The following EMP2 variants were observed in gnomAD, a reference collection of about 807,000 sequenced individuals.
EMP2 encodes the protein epithelial membrane protein 2.
Under a neutral mutation model 13.7 loss-of-function variants are expected in EMP2, and 19 were observed. The observed-to-expected ratio is 1.38, with a 90% CI of 0.97 to 2.03. The LOEUF is 2.03. Ranked by LOEUF, EMP2 falls within the 30% of genes most tolerant of loss-of-function variation. EMP2 has a pLI of 0.00. For missense variants in EMP2, 253 were observed against 220.7 expected, an observed-to-expected ratio of 1.15 and a Z score of -0.93; for synonymous variants, 97 against 84.7, an observed-to-expected ratio of 1.15 and a Z score of -0.80.
chr16:10,559,313 A>G (rs530177502), intron 1 of EMP2, among the ~76,000 whole-genome samples: 2 of 152,344 alleles, frequency 1.3e-5, no homozygotes, highest in East Asian at 1.9e-4. Context: ...GCCAGCCAGG[A>G]GTATTCAGGC....
intron 1 of EMP2, among the ~76,000 whole-genome samples, chr16:10,558,118 C>G (rs2050845576): frequency 6.6e-6 from 1 of 151,602 alleles, no homozygotes; most frequent in East Asian, 1.9e-4. Context: ...CAACCTCGAA[C>G]TTTTGGGCTC....
intron 1 of EMP2, among the ~76,000 whole-genome samples, chr16:10,579,723 C>CAA (rs2051011379): frequency 6.6e-6 from 1 of 151,890 alleles, no homozygotes; most frequent in African/African-American, 2.4e-5. Flanking sequence ...CACACACACA[C>CAA]ACACACACAC....
rs190911285 is a variant in EMP2, at chr16:10,540,951, G to A, written c.169+2619C>T. Among the ~76,000 whole-genome samples the A allele has an allele frequency of 2.0e-3, 303 of 152,190 alleles. 1 individual carries two copies. The highest frequency in any genetic ancestry group is 7.0e-3 in the African/African-American group (291 of 41,530). ...GAAAATACAAAAATTAGCCAGGTGT[G>A]GTGGCACACACCCATAATCCCAGCT... is the stretch of plus-strand genomic sequence containing the variant. On this transcript the variant is annotated intron_variant, in intron 3 of 4. Coordinates refer to ENST00000359543, the MANE Select transcript of EMP2 (RefSeq NM_001424.6).
chr16:10,566,289 G>GA (rs2050906460), intron 1 of EMP2, among the ~76,000 whole-genome samples: 1 of 152,130 alleles, frequency 6.6e-6, no homozygotes, highest in Non-Finnish European at 1.5e-5. Context: ...CCTGGGAATG[G>GA]AAAATCAGCA....
At chr16:10,569,077 C>T (rs927544990) in intron 1 of EMP2, among the ~76,000 whole-genome samples, 20 of 152,072 alleles carry the variant, frequency 1.3e-4, no homozygotes, top group African/African-American at 4.1e-4. Flanking sequence ...CGTGAGCCAC[C>T]GCGCCCAGCT....
chr16:10,564,261 TG>T (rs2050892128), intron 1 of EMP2, among the ~76,000 whole-genome samples: 1 of 152,030 alleles, frequency 6.6e-6, no homozygotes. Context: ...TAGGTCGAGG[TG>T]GGTGGATCAC....
At chr16:10,547,434 G>T in intron 2 of EMP2, 106 bp downstream of exon 2, 1 of 1,201,576 alleles carries the variant, frequency 8.3e-7, no homozygotes, top group Non-Finnish European at 1.2e-6. Context: ...AAATTACCTA[G>T]TCTCTGGTAT....
chr16:10,543,935 C>G (rs940155162), intron 2 of EMP2, among the ~76,000 whole-genome samples: 2 of 152,158 alleles, frequency 1.3e-5, no homozygotes, highest in Non-Finnish European at 2.9e-5. Context: ...TCTTGGCTCA[C>G]TGCAGCCTCC....
Position 10,531,242 on chromosome 16 carries a change from G to C in EMP2, c.*1663C>G, listed in dbSNP as rs2050598858. ...CTGCCTCAGCCTCCCAAAGTGCTGG[G>C]ATTACAGGTGTGAGCCACCGCACCC... On this transcript the variant is annotated 3_prime_UTR_variant, in exon 5 of 5. Coordinates refer to ENST00000359543, the MANE Select transcript of EMP2 (RefSeq NM_001424.6). 6.6e-6 allele frequency: 1 copy of C among 152,204 alleles called. No homozygotes were observed. Among genetic ancestry groups the C allele is most frequent in the Non-Finnish European group, 1.5e-5 (1 of 68,136 alleles). 9.4% of individuals were successfully genotyped at this position (152,204 alleles called of 1,614,324 possible). A position where few individuals can be genotyped will look rare whatever the true frequency, so the allele number is the denominator to read the frequency against.
intron 1 of EMP2, among the ~76,000 whole-genome samples, chr16:10,563,383 G>A (rs957377828): frequency 1.9e-4 from 29 of 152,076 alleles, no homozygotes; most frequent in African/African-American, 6.0e-4. Flanking sequence ...GTAGAGATGG[G>A]GTTTCACCAT....
At chr16:10,573,627 T>C (rs80127645) in intron 1 of EMP2, among the ~76,000 whole-genome samples, 9,392 of 152,260 alleles carry the variant, frequency 0.062, 424 homozygotes, top group Middle Eastern at 0.13. Context: ...GGCATTATTA[T>C]TGAAGTCAGT....
chr16:10,547,553 G>A lies in EMP2; in HGVS notation c.65C>T (p.Ala22Val). The change falls in exon 2 of 5, where the codon GCC becomes GTC. Residue 22 changes from alanine to valine, a missense_variant. By Grantham distance (64) the Ala-to-Val change is moderately conservative (BLOSUM62 0). Transcript: ENST00000359543. Reference protein sequence around the residue: ...HITSAALLFIATVDNAWWVGD... With the variant: ...HITSAALLFIVTVDNAWWVGD... ...AAGGAAACTTACATTGTCGACGGTG[G>A]CAATGAACAGCAAGGCTGCAGAGGT... The A allele has an allele frequency of 6.2e-7, 1 of 1,614,088 alleles. No individual in the cohort carries two copies. Among genetic ancestry groups the A allele is most frequent in the Non-Finnish European group, 8.5e-7 (1 of 1,180,014 alleles).
chr16:10,558,132 C>T (rs956533466), intron 1 of EMP2, among the ~76,000 whole-genome samples: 2 of 151,624 alleles, frequency 1.3e-5, no homozygotes, highest in South Asian at 2.1e-4. Context: ...TGGGCTCAAG[C>T]GATCCTCCTG....
At chr16:10,574,888 C>T (rs1438662191) in intron 1 of EMP2, among the ~76,000 whole-genome samples, 1 of 152,142 alleles carries the variant, frequency 6.6e-6, no homozygotes, top group Non-Finnish European at 1.5e-5. Context: ...ATGGGTTTCA[C>T]TCTGTCTCCC....
At chr16:10,555,288 T>G (rs1041795521) in intron 1 of EMP2, among the ~76,000 whole-genome samples, 1 of 152,142 alleles carries the variant, frequency 6.6e-6, no homozygotes, top group Admixed American at 6.5e-5. Context: ...AGCATAACTT[T>G]CGCTGTGGAA....
chr16:10,542,565 G>A (rs1008533069), intron 3 of EMP2, among the ~76,000 whole-genome samples: 8 of 151,758 alleles, frequency 5.3e-5, no homozygotes, highest in East Asian at 3.9e-4. Context: ...TAATTTAACC[G>A]GGTATACTGT....
rs368167322 is a variant in EMP2, at chr16:10,543,003, G to A, written c.169+567C>T. Among the ~76,000 whole-genome samples, 17 of 152,126 alleles carry A rather than the reference G, an allele frequency of 1.1e-4. No homozygotes were observed. In the East Asian group the frequency reaches 1.2e-3, roughly 10 times the overall value. ...TGGGATTACAGGCGTGCACCACCAC[G>A]CCCAGCTAATTTTTGTATTTTTAGT... is the stretch of plus-strand genomic sequence containing the variant. On this transcript the variant is annotated intron_variant, in intron 3 of 4. Coordinates refer to ENST00000359543, the MANE Select transcript of EMP2 (RefSeq NM_001424.6).
At chr16:10,563,580 A>C (rs113981196) in intron 1 of EMP2, among the ~76,000 whole-genome samples, 37 of 152,328 alleles carry the variant, frequency 2.4e-4, no homozygotes, top group African/African-American at 6.7e-4. Flanking sequence ...CACTGTCGAC[A>C]ACTCAGCCAG....
intron 1 of EMP2, among the ~76,000 whole-genome samples, chr16:10,570,054 G>T (rs1262485126): frequency 6.6e-6 from 1 of 151,436 alleles, no homozygotes; most frequent in Non-Finnish European, 1.5e-5. Context: ...GAGACACTGG[G>T]GATACATCGC....
Sources: gnomAD v4.1 joint callset for allele counts (sites outside exome capture counted in the v4.1 genomes callset) on GRCh38, gnomAD v4.1.1 for gene constraint, MANE v1.5 for transcripts, NCBI Gene and HGNC (gene_info 2026-07-23, HGNC 2026-07-21) for gene names.